The following IPCEF1 variants were observed in gnomAD, a reference collection of about 807,000 sequenced individuals.
IPCEF1 encodes the protein interactor protein for cytohesin exchange factors 1.
Under a neutral mutation model 50.9 loss-of-function variants are expected in IPCEF1, and 31 were observed. The ratio of observed to expected loss-of-function variants is 0.61; its 90% CI spans 0.46 to 0.82. The LOEUF (loss-of-function observed/expected upper bound fraction) is 0.82. Ranked by LOEUF, IPCEF1 falls within the 40% of genes least tolerant of loss-of-function variation. The pLI is 0.00. For synonymous variants in IPCEF1, 181 were observed against 192.0 expected (o/e 0.94, Z 0.47); for missense variants, 458 against 514.0 (o/e 0.89, Z 1.05).
chr6:154,238,019 G>T (rs1368361325), intron 5 of IPCEF1, among the ~76,000 whole-genome samples: 1 of 152,086 alleles, frequency 6.6e-6, no homozygotes. Flanking sequence ...TAGATTCTAT[G>T]CATTGGCAAA....
intron 1 of IPCEF1, among the ~76,000 whole-genome samples, chr6:154,302,458 A>G (rs1782820366): frequency 6.6e-6 from 1 of 152,032 alleles, no homozygotes; most frequent in African/African-American, 2.4e-5. Context: ...TATTCTCTCC[A>G]AGTCCCAGCT....
chr6:154,158,927 T>TAAAG lies in IPCEF1; in HGVS notation c.*897_*900dup, dbSNP rs973959859. ...GTTTTTGTTTTTTTGTTTTTTTGAGTAAAGATATTAAAACAATTCAGATGC... is the reference window on the plus strand; with the variant it reads ...GTTTTTGTTTTTTTGTTTTTTTGAGTAAAGAAAGATATTAAAACAATTCAGATGC... On this transcript the variant is annotated 3_prime_UTR_variant, in exon 12 of 12. Transcript: ENST00000367220. The TAAAG allele has an allele frequency of 6.6e-6, 1 of 152,138 alleles. No homozygotes were observed. Among genetic ancestry groups the TAAAG allele is most frequent in the African/African-American group, 2.4e-5 (1 of 41,428 alleles). The allele number at this position is 152,138 out of a possible 1,614,324, so 9.4% of individuals were successfully genotyped here. A position where few individuals can be genotyped will look rare whatever the true frequency, so the allele number is the denominator to read the frequency against.
intron 10 of IPCEF1, among the ~76,000 whole-genome samples, chr6:154,183,946 A>G (rs531307558): frequency 4.5e-4 from 68 of 151,308 alleles, no homozygotes; most frequent in African/African-American, 1.6e-3. Context: ...CACAAACAGG[A>G]AAAGAAAAAA....
At chr6:154,248,060 C>G (rs1257739708) in intron 3 of IPCEF1, among the ~76,000 whole-genome samples, 2 of 152,110 alleles carry the variant, frequency 1.3e-5, no homozygotes, top group African/African-American at 2.4e-5. Flanking sequence ...GCAATCAACC[C>G]TCCTTATCAG....
At chr6:154,242,401 C>T (rs1267903705) in intron 5 of IPCEF1, among the ~76,000 whole-genome samples, 8 of 152,118 alleles carry the variant, frequency 5.3e-5, no homozygotes, top group East Asian at 1.9e-4. Context: ...CCATGGGCAA[C>T]GTAAATGCCG....
At chr6:154,193,454 C>A (rs1038695274) in intron 10 of IPCEF1, among the ~76,000 whole-genome samples, 4 of 152,078 alleles carry the variant, frequency 2.6e-5, no homozygotes, top group Non-Finnish European at 5.9e-5. Flanking sequence ...CTGAAGAACT[C>A]ATTCATGTAA....
At chr6:154,274,671 C>A (rs1178769852) in intron 2 of IPCEF1, among the ~76,000 whole-genome samples, 8 of 152,294 alleles carry the variant, frequency 5.3e-5, no homozygotes, top group Middle Eastern at 3.4e-3. Flanking sequence ...GACTCCTGAA[C>A]CTGAAACTTC....
chr6:154,232,120 G>A lies in IPCEF1; in HGVS notation c.247-8877C>T, dbSNP rs75401412. The stretch of plus-strand genomic sequence containing the variant: ...CCCCTCCTTCTCTCCATACAATAGC[G>A]TCCATGGCACTGCAACTCATCTGCC... On this transcript the variant is annotated intron_variant, in intron 5 of 11. Transcript: ENST00000367220. Among the ~76,000 whole-genome samples, 7 of 152,014 alleles carry A rather than the reference G, an allele frequency of 4.6e-5. No homozygotes were observed. The South Asian group carries it at 6.2e-4, about 14-fold the overall frequency.
chr6:154,157,022 G>T lies in IPCEF1; in HGVS notation c.*2806C>A, dbSNP rs1053280068. 1 of 152,304 alleles carries T rather than the reference G, an allele frequency of 6.6e-6. No homozygotes were observed. Among genetic ancestry groups the T allele is most frequent in the Non-Finnish European group, 1.5e-5 (1 of 68,120 alleles). The allele number at this position is 152,304 out of a possible 1,614,324, so 9.4% of individuals were successfully genotyped here. ...CACAGCTCACAGACACTGCAGGACT[G>T]GGTATAGGAATTGGCCCTTGGACCC... On this transcript the variant is annotated 3_prime_UTR_variant, in exon 12 of 12. Transcript: ENST00000367220.
At chr6:154,166,861 C>T (rs780627218) in intron 11 of IPCEF1, among the ~76,000 whole-genome samples, 19 of 152,106 alleles carry the variant, frequency 1.2e-4, no homozygotes, top group Non-Finnish European at 1.6e-4. Context: ...TGTGAAATGG[C>T]GGCCAGTGAT....
intron 1 of IPCEF1, among the ~76,000 whole-genome samples, chr6:154,334,865 C>T (rs139326794): frequency 3.9e-4 from 60 of 152,284 alleles, no homozygotes; most frequent in African/African-American, 1.3e-3. Flanking sequence ...ATATACTGAA[C>T]TAAAGAAGCC....
At chr6:154,259,415 G>A (rs540082201) in intron 3 of IPCEF1, among the ~76,000 whole-genome samples, 1 of 152,212 alleles carries the variant, frequency 6.6e-6, no homozygotes, top group East Asian at 1.9e-4. Flanking sequence ...AATTTTGGGA[G>A]GCCAAGGCAG....
Position 154,200,053 on chromosome 6 carries a change from A to G in IPCEF1, c.538-13T>C, listed in dbSNP as rs756419975. 6.4e-7 allele frequency: 1 copy of G among 1,571,352 alleles called. No individual in the cohort carries two copies. Among genetic ancestry groups the G allele is most frequent in the East Asian group, 2.3e-5 (1 of 44,438 alleles). ...CCTGCTGTGCAGTCTATTTTTCACA[A>G]ATAAAACCAAAAAAAGAATAAAAGA... is the stretch of plus-strand genomic sequence containing the variant. On this transcript the variant is annotated splice_polypyrimidine_tract_variant and intron_variant, in intron 9 of 11. Coordinates refer to ENST00000367220, the MANE Select transcript of IPCEF1 (RefSeq NM_001130700.2).
At chr6:154,297,412 G>A (rs749273341) in intron 1 of IPCEF1, among the ~76,000 whole-genome samples, 12 of 152,086 alleles carry the variant, frequency 7.9e-5, no homozygotes, top group South Asian at 6.2e-4. Context: ...CCCCTACCAT[G>A]AGCATATTTT....
At chr6:154,334,421 G>C (rs996299811) in intron 1 of IPCEF1, among the ~76,000 whole-genome samples, 3 of 152,266 alleles carry the variant, frequency 2.0e-5, no homozygotes, top group Middle Eastern at 3.4e-3. Context: ...GCTAAAGTAT[G>C]TTTGGTATCT....
At chr6:154,320,677 T>C (rs976779499) in intron 1 of IPCEF1, among the ~76,000 whole-genome samples, 4 of 152,116 alleles carry the variant, frequency 2.6e-5, no homozygotes, top group Non-Finnish European at 4.4e-5. Context: ...GTACCAATTG[T>C]GCGTGAATGA....
intron 1 of IPCEF1, among the ~76,000 whole-genome samples, chr6:154,315,130 G>A (rs1193504404): frequency 6.6e-6 from 1 of 152,038 alleles, no homozygotes; most frequent in Admixed American, 6.6e-5. Context: ...TGATCTGCCC[G>A]CCTTGGCTTC....
At chr6:154,302,656 G>A (rs775979455) in intron 1 of IPCEF1, among the ~76,000 whole-genome samples, 2 of 151,996 alleles carry the variant, frequency 1.3e-5, no homozygotes, top group Non-Finnish European at 2.9e-5. Context: ...TATATTTTTT[G>A]TGGAGACAGG....
chr6:154,206,803 C>G (rs896320427), intron 9 of IPCEF1, among the ~76,000 whole-genome samples: 7 of 152,132 alleles, frequency 4.6e-5, no homozygotes, highest in Non-Finnish European at 1.0e-4. Flanking sequence ...AACTTTATAC[C>G]TACAGGTACG....
Sources: gnomAD v4.1 joint callset for allele counts (sites outside exome capture counted in the v4.1 genomes callset) on GRCh38, gnomAD v4.1.1 for gene constraint, MANE v1.5 for transcripts, NCBI Gene and HGNC (gene_info 2026-07-23, HGNC 2026-07-21) for gene names.